ASTN2: variants seen among roughly 807,000 people sequenced by gnomAD.
The protein encoded by ASTN2 is astrotactin-2.
ASTN2 carries 54 observed loss-of-function variants against 139.8 expected under a neutral mutation model. The observed-to-expected ratio is 0.39, with a 90% CI of 0.31 to 0.48. The LOEUF (loss-of-function observed/expected upper bound fraction) is 0.48, where lower values mean the gene tolerates loss of function less well. Ranked by LOEUF, ASTN2 falls within the 20% of genes least tolerant of loss-of-function variation. The pLI, the probability that ASTN2 is intolerant of heterozygous loss-of-function variation, is 0.95. For synonymous variants in ASTN2, 756 were observed against 719.5 expected, an observed-to-expected ratio of 1.05 and a Z score of -0.81; for missense variants, 1,565 against 1,725.1, an observed-to-expected ratio of 0.91 and a Z score of 1.64.
chr9:116,816,053 T>C (rs1407011376), intron 12 of ASTN2, among the ~76,000 whole-genome samples: 1 of 152,140 alleles, frequency 6.6e-6, no homozygotes, highest in Non-Finnish European at 1.5e-5. Flanking sequence ...ATTTATCTCA[T>C]GTTGAGTGAC....
intron 3 of ASTN2, among the ~76,000 whole-genome samples, chr9:117,201,142 A>T (rs1831703854): frequency 6.6e-6 from 1 of 150,936 alleles, no homozygotes; most frequent in Admixed American, 6.6e-5. Context: ...TTTCTTCTAG[A>T]TTTTCTAGTT....
chr9:117,130,297 A>G (rs1045341203), intron 4 of ASTN2, among the ~76,000 whole-genome samples: 1 of 152,192 alleles, frequency 6.6e-6, no homozygotes, highest in Non-Finnish European at 1.5e-5. Flanking sequence ...TGACAGTAAG[A>G]TTGTATCTCA....
At chr9:117,241,472 C>T (rs547339897) in intron 2 of ASTN2, among the ~76,000 whole-genome samples, 1 of 152,264 alleles carries the variant, frequency 6.6e-6, no homozygotes, top group African/African-American at 2.4e-5. Flanking sequence ...AAAATTTTTC[C>T]ATGGACTTAT....
chr9:116,832,973 T>C (rs1337741800), intron 11 of ASTN2, among the ~76,000 whole-genome samples: 3 of 151,508 alleles, frequency 2.0e-5, no homozygotes, highest in Non-Finnish European at 4.4e-5. Context: ...TTTTGGGAAT[T>C]GACGTTTATT....
intron 10 of ASTN2, among the ~76,000 whole-genome samples, chr9:116,866,157 C>A (rs988445516): frequency 1.5e-4 from 23 of 152,186 alleles, no homozygotes; most frequent in African/African-American, 4.6e-4. Context: ...GGAAAAGGCT[C>A]AAGATTTATT....
intron 1 of ASTN2, among the ~76,000 whole-genome samples, chr9:117,402,771 T>A (rs1934483): frequency 6.6e-6 from 1 of 151,856 alleles, no homozygotes; most frequent in African/African-American, 2.4e-5. Flanking sequence ...CAACCCTACA[T>A]GGAGTGGGGT....
chr9:116,499,222 T>A (rs1273383876), intron 19 of ASTN2, among the ~76,000 whole-genome samples: 1 of 152,200 alleles, frequency 6.6e-6, no homozygotes, highest in African/African-American at 2.4e-5. Context: ...TATTAATTCA[T>A]GAGTTTAGAA....
At chr9:116,437,750 C>A (rs1847705087) in intron 22 of ASTN2, among the ~76,000 whole-genome samples, 1 of 152,206 alleles carries the variant, frequency 6.6e-6, no homozygotes, top group Admixed American at 6.5e-5. Context: ...GGGCTCTTCA[C>A]TTCTGCCCGC....
At chr9:117,059,158 A>G (rs1318558191) in intron 5 of ASTN2, among the ~76,000 whole-genome samples, 1 of 152,188 alleles carries the variant, frequency 6.6e-6, no homozygotes, top group East Asian at 1.9e-4. Context: ...TCAAATGCAG[A>G]GTACAGTTGG....
At chr9:117,365,226 A>C (rs1025118871) in intron 1 of ASTN2, among the ~76,000 whole-genome samples, 3 of 151,578 alleles carry the variant, frequency 2.0e-5, no homozygotes, top group Admixed American at 6.6e-5. Flanking sequence ...AAGGAAGGAA[A>C]AAGAAAGCAA....
intron 16 of ASTN2, among the ~76,000 whole-genome samples, chr9:116,682,020 CA>C (rs1859907079): frequency 6.6e-6 from 1 of 151,748 alleles, no homozygotes; most frequent in South Asian, 2.1e-4. Context: ...CCAAAATTGA[CA>C]AATGGGATCT....
chr9:116,882,016 G>A (rs1389425574), intron 10 of ASTN2, among the ~76,000 whole-genome samples: 1 of 152,160 alleles, frequency 6.6e-6, no homozygotes, highest in Non-Finnish European at 1.5e-5. Flanking sequence ...AGTGCCTCAA[G>A]TGATGATTCC....
intron 19 of ASTN2, among the ~76,000 whole-genome samples, chr9:116,537,347 T>C (rs1851684053): frequency 6.6e-6 from 1 of 152,248 alleles, no homozygotes. Flanking sequence ...CATGTTTACA[T>C]AATGGTGGTA....
intron 19 of ASTN2, among the ~76,000 whole-genome samples, chr9:116,575,290 T>C (rs964793111): frequency 4.6e-5 from 7 of 150,970 alleles, no homozygotes; most frequent in Non-Finnish European, 5.9e-5. Context: ...CTGGAATGTA[T>C]AATTAAAAAA....
intron 16 of ASTN2, among the ~76,000 whole-genome samples, chr9:116,663,333 T>C (rs980686263): frequency 6.6e-6 from 1 of 151,692 alleles, no homozygotes; most frequent in Non-Finnish European, 1.5e-5. Flanking sequence ...CAGGGGGAGG[T>C]TGCCAGTTTC....
intron 2 of ASTN2, among the ~76,000 whole-genome samples, chr9:117,285,152 C>A (rs542077196): frequency 6.6e-6 from 1 of 152,266 alleles, no homozygotes; most frequent in East Asian, 1.9e-4. Flanking sequence ...TCAGTTCTCG[C>A]CCAGTACCTC....
intron 6 of ASTN2, among the ~76,000 whole-genome samples, chr9:117,030,063 G>C (rs1057280672): frequency 1.2e-4 from 19 of 152,090 alleles, no homozygotes; most frequent in African/African-American, 4.6e-4. Flanking sequence ...ATATACCCAA[G>C]GTCACAAAAC....
intron 7 of ASTN2, among the ~76,000 whole-genome samples, chr9:117,007,186 C>T (rs1837379073): frequency 6.6e-6 from 1 of 152,162 alleles, no homozygotes; most frequent in East Asian, 1.9e-4. Context: ...GAGAGGCCTC[C>T]CCTGACCACT....
At chr9:117,032,347 C>A (rs1351556612) in intron 6 of ASTN2, among the ~76,000 whole-genome samples, 1 of 152,048 alleles carries the variant, frequency 6.6e-6, no homozygotes, top group African/African-American at 2.4e-5. Flanking sequence ...CAAGGCTGTG[C>A]AAATGAGTTA....
Sources: gnomAD v4.1 joint callset for allele counts (sites outside exome capture counted in the v4.1 genomes callset) on GRCh38, gnomAD v4.1.1 for gene constraint, MANE v1.5 for transcripts, NCBI Gene and HGNC (gene_info 2026-07-23, HGNC 2026-07-21) for gene names.